The following DOK5 variants were observed in gnomAD, a reference collection of about 807,000 sequenced individuals.
DOK5 encodes the protein docking protein 5.
DOK5 carries 27 observed loss-of-function variants against 43.3 expected under a neutral mutation model. That is an observed-to-expected ratio of 0.62 (90% confidence interval 0.46 to 0.86). DOK5 has a LOEUF of 0.86. Among genes scored for constraint, DOK5 ranks in the 40% least tolerant of loss-of-function variants. The pLI is 0.00. For synonymous variants in DOK5, 146 were observed against 140.1 expected (o/e 1.04, Z -0.30); for missense variants, 373 against 392.9 (o/e 0.95, Z 0.43).
At chr20:54,552,155 A>T (rs1984551150) in intron 1 of DOK5, among the ~76,000 whole-genome samples, 1 of 152,184 alleles carries the variant, frequency 6.6e-6, no homozygotes, top group Non-Finnish European at 1.5e-5. Flanking sequence ...ATTAAACAAA[A>T]CAAAAACTAA....
Position 54,602,100 on chromosome 20 carries a change from C to T in DOK5, c.600-8288C>T, listed in dbSNP as rs116694759. On this transcript the variant is annotated intron_variant, in intron 5 of 7. Coordinates refer to ENST00000262593, the MANE Select transcript of DOK5 (RefSeq NM_018431.5). ...GGCAAATATGTGGCTGTGCCTCTCT[C>T]GTGAGGTTTTCCAAAGAGTCCTGTT... Among the ~76,000 whole-genome samples the T allele has an allele frequency of 9.8e-3, 1,494 of 152,242 alleles. 26 individuals are homozygous for T. The highest frequency in any genetic ancestry group is 0.034 in the African/African-American group (1,409 of 41,532).
At chr20:54,545,790 C>T (rs890672750) in intron 1 of DOK5, among the ~76,000 whole-genome samples, 10 of 152,176 alleles carry the variant, frequency 6.6e-5, no homozygotes, top group Non-Finnish European at 1.3e-4. Context: ...CAGAAAAACT[C>T]CCTTCAAAAC....
intron 7 of DOK5, among the ~76,000 whole-genome samples, chr20:54,645,484 T>G (rs751746741): frequency 6.6e-6 from 1 of 152,064 alleles, no homozygotes; most frequent in Non-Finnish European, 1.5e-5. Flanking sequence ...CAGTCTTTGC[T>G]GTTGGTCCTT....
intron 1 of DOK5, among the ~76,000 whole-genome samples, chr20:54,533,742 T>C (rs1983859415): frequency 6.6e-6 from 1 of 152,194 alleles, no homozygotes. Flanking sequence ...AAGCTGAACC[T>C]CTCTTAATAT....
intron 1 of DOK5, among the ~76,000 whole-genome samples, chr20:54,544,355 G>C (rs572400789): frequency 6.6e-6 from 1 of 152,114 alleles, no homozygotes; most frequent in Non-Finnish European, 1.5e-5. Context: ...ATTGGTAGCA[G>C]CCTGTATATT....
At chr20:54,561,687 C>T (rs1298594332) in intron 2 of DOK5, among the ~76,000 whole-genome samples, 1 of 152,180 alleles carries the variant, frequency 6.6e-6, no homozygotes, top group Non-Finnish European at 1.5e-5. Context: ...CAGAGTTTTG[C>T]TCTTGTTGCC....
At chr20:54,594,957 T>C (rs1432137338) in intron 5 of DOK5, among the ~76,000 whole-genome samples, 1 of 152,208 alleles carries the variant, frequency 6.6e-6, no homozygotes, top group African/African-American at 2.4e-5. Context: ...TAGGAAACCA[T>C]AGATACTTGG....
chr20:54,500,447 C>G (rs1208673642), intron 1 of DOK5, among the ~76,000 whole-genome samples: 1 of 151,848 alleles, frequency 6.6e-6, no homozygotes, highest in Admixed American at 6.6e-5. Context: ...AACCTACTGC[C>G]CCAATACAAA....
At chr20:54,505,257 T>C (rs937265143) in intron 1 of DOK5, among the ~76,000 whole-genome samples, 3 of 152,108 alleles carry the variant, frequency 2.0e-5, no homozygotes, top group African/African-American at 7.2e-5. Flanking sequence ...TCTCTCCTGC[T>C]TGTTTTTGCA....
At chr20:54,621,616 A>G (rs1041603099) in intron 6 of DOK5, among the ~76,000 whole-genome samples, 1 of 151,408 alleles carries the variant, frequency 6.6e-6, no homozygotes, top group Non-Finnish European at 1.5e-5. Context: ...TTGAACCCGG[A>G]AAGTGGAGGT....
chr20:54,497,011 T>C (rs1982429669), intron 1 of DOK5, among the ~76,000 whole-genome samples: 2 of 152,160 alleles, frequency 1.3e-5, no homozygotes, highest in Non-Finnish European at 2.9e-5. Context: ...CAGATCTTTC[T>C]ATACCATGGC....
intron 6 of DOK5, among the ~76,000 whole-genome samples, chr20:54,636,750 C>T (rs1224398825): frequency 1.3e-5 from 2 of 152,204 alleles, no homozygotes; most frequent in Non-Finnish European, 2.9e-5. Context: ...TCTTTCTTTA[C>T]TGCAATGCCA....
intron 1 of DOK5, among the ~76,000 whole-genome samples, chr20:54,509,242 G>A (rs1370418442): frequency 6.6e-6 from 1 of 152,108 alleles, no homozygotes; most frequent in African/African-American, 2.4e-5. Context: ...CCCAGCAAGG[G>A]TACAGTAGTG....
chr20:54,624,422 A>G (rs1182398097), intron 6 of DOK5, among the ~76,000 whole-genome samples: 2 of 152,318 alleles, frequency 1.3e-5, no homozygotes, highest in South Asian at 2.1e-4. Context: ...ACAAGGCCCC[A>G]TGGGTGTGTA....
chr20:54,585,720 G>C (rs1470471378), intron 2 of DOK5, among the ~76,000 whole-genome samples: 1 of 152,210 alleles, frequency 6.6e-6, no homozygotes, highest in African/African-American at 2.4e-5. Context: ...TGTGAACTTG[G>C]TTGTATGACT....
At chr20:54,638,605 A>G (rs546417935) in intron 6 of DOK5, among the ~76,000 whole-genome samples, 7 of 152,310 alleles carry the variant, frequency 4.6e-5, no homozygotes, top group African/African-American at 1.7e-4. Context: ...TTTTTCTGAC[A>G]TAGGAAACAA....
chr20:54,511,750 G>A (rs932251819), intron 1 of DOK5, among the ~76,000 whole-genome samples: 5 of 152,178 alleles, frequency 3.3e-5, no homozygotes, highest in African/African-American at 1.2e-4. Flanking sequence ...TTCTCTCTTG[G>A]CTTTTCTTTC....
At chr20:54,504,094 G>A (rs1044294725) in intron 1 of DOK5, among the ~76,000 whole-genome samples, 1 of 152,126 alleles carries the variant, frequency 6.6e-6, no homozygotes, top group African/African-American at 2.4e-5. Flanking sequence ...GCACTGCCCT[G>A]AGCTTCCAGC....
intron 6 of DOK5, among the ~76,000 whole-genome samples, chr20:54,614,758 A>C (rs1042256647): frequency 3.3e-5 from 5 of 152,234 alleles, no homozygotes; most frequent in African/African-American, 1.2e-4. Context: ...GATGGAAATG[A>C]GTAAGCTTCA....
Sources: gnomAD v4.1 joint callset for allele counts (sites outside exome capture counted in the v4.1 genomes callset) on GRCh38, gnomAD v4.1.1 for gene constraint, MANE v1.5 for transcripts, NCBI Gene and HGNC (gene_info 2026-07-23, HGNC 2026-07-21) for gene names.